SLC24A2: variants seen among roughly 807,000 people sequenced by gnomAD.
The protein encoded by SLC24A2 is solute carrier family 24 member 2.
SLC24A2 carries 36 observed loss-of-function variants against 62.0 expected under a neutral mutation model. That is an observed-to-expected ratio of 0.58 (90% CI 0.44 to 0.77). The LOEUF (loss-of-function observed/expected upper bound fraction) is 0.77. Among genes scored for constraint, SLC24A2 ranks in the 30% least tolerant of loss-of-function variants. SLC24A2 has a pLI of 0.00. For synonymous variants in SLC24A2, 358 were observed against 294.0 expected (o/e 1.22, Z -2.23); for missense variants, 846 against 817.9 (o/e 1.03, Z -0.42).
At chr9:20,111,113 T>C in the SLC24A2 span, among the ~76,000 whole-genome samples, 1 of 152,232 alleles carries the variant, frequency 6.6e-6, no homozygotes, top group Non-Finnish European at 1.5e-5. Context: ...ATCTTGCTAG[T>C]AGCCCTGGGA....
the SLC24A2 span, among the ~76,000 whole-genome samples, chr9:20,151,413 C>T: frequency 2.0e-5 from 3 of 151,880 alleles, no homozygotes; most frequent in African/African-American, 7.2e-5. Flanking sequence ...GTTCCTTTCA[C>T]AGTCTGTTCA....
At chr9:19,989,718 A>G in the SLC24A2 span, among the ~76,000 whole-genome samples, 6 of 152,232 alleles carry the variant, frequency 3.9e-5, no homozygotes, top group Admixed American at 1.3e-4. Flanking sequence ...AGACAACTAC[A>G]TGGGTCAAGT....
the SLC24A2 span, among the ~76,000 whole-genome samples, chr9:20,006,182 G>A: frequency 2.0e-5 from 3 of 151,262 alleles, no homozygotes; most frequent in Non-Finnish European, 4.4e-5. Flanking sequence ...ATATTAATAT[G>A]TAATTAAATT....
At chr9:20,157,928 C>T in the SLC24A2 span, among the ~76,000 whole-genome samples, 1 of 151,432 alleles carries the variant, frequency 6.6e-6, no homozygotes, top group African/African-American at 2.4e-5. Context: ...AAAAAAGCAA[C>T]CCAGTGCTAT....
the SLC24A2 span, among the ~76,000 whole-genome samples, chr9:20,000,279 T>C: frequency 0.79 from 119,753 of 152,052 alleles, 47,410 homozygotes; most frequent in Non-Finnish European, 0.83. Context: ...CTCATAACAG[T>C]TCCCTATTTT....
the SLC24A2 span, among the ~76,000 whole-genome samples, chr9:20,288,418 T>C: frequency 0.032 from 4,715 of 148,084 alleles, 218 homozygotes; most frequent in African/African-American, 0.11. Flanking sequence ...ATGCCGGGGG[T>C]GCGGGAGGTG....
intron 2 of SLC24A2, among the ~76,000 whole-genome samples, chr9:19,772,712 A>G (rs1286121694): frequency 6.6e-6 from 1 of 152,210 alleles, no homozygotes; most frequent in Non-Finnish European, 1.5e-5. Flanking sequence ...ATGTCGGCAA[A>G]GATGTGGAGA....
the SLC24A2 span, among the ~76,000 whole-genome samples, chr9:19,868,959 C>T: frequency 3.3e-5 from 5 of 151,998 alleles, no homozygotes; most frequent in African/African-American, 1.2e-4. Flanking sequence ...AGTTCATGCA[C>T]AATTAATGTA....
the SLC24A2 span, among the ~76,000 whole-genome samples, chr9:20,304,001 C>T: frequency 1.3e-5 from 2 of 152,194 alleles, no homozygotes; most frequent in Non-Finnish European, 2.9e-5. Flanking sequence ...GTATCCAAGT[C>T]CACTGAGAAT....
chr9:19,945,511 C>T, the SLC24A2 span, among the ~76,000 whole-genome samples: 1 of 152,180 alleles, frequency 6.6e-6, no homozygotes, highest in Non-Finnish European at 1.5e-5. Context: ...ACAGTTGAAA[C>T]CAGAAGTGAA....
chr9:19,931,819 C>T, the SLC24A2 span, among the ~76,000 whole-genome samples: 4 of 151,940 alleles, frequency 2.6e-5, no homozygotes, highest in Non-Finnish European at 5.9e-5. Context: ...ACCTTATATA[C>T]AATTTATAAA....
intron 2 of SLC24A2, among the ~76,000 whole-genome samples, chr9:19,680,851 T>TTGTGTGAGTGTGTGTGTGTGTG (rs1554697846): frequency 6.8e-6 from 1 of 146,970 alleles, no homozygotes; most frequent in Non-Finnish European, 1.5e-5. Flanking sequence ...TATACCAGAG[T>TTGTGTGAGTGTGTGTGTGTGTG]TGTGTGTGTG....
chr9:20,279,567 T>G, the SLC24A2 span, among the ~76,000 whole-genome samples: 1 of 152,168 alleles, frequency 6.6e-6, no homozygotes, highest in African/African-American at 2.4e-5. Flanking sequence ...AAGGCTATTT[T>G]TTAAAAAGCT....
the SLC24A2 span, among the ~76,000 whole-genome samples, chr9:20,111,335 A>T: frequency 1.4e-4 from 21 of 152,292 alleles, no homozygotes; most frequent in African/African-American, 5.1e-4. Flanking sequence ...CAGTCCAGCT[A>T]TCCCTCTCCA....
At chr9:19,597,397 A>C (rs892326385) in intron 4 of SLC24A2, 118 bp from the exon 5 acceptor site, 1 of 760,064 alleles carries the variant, frequency 1.3e-6, no homozygotes, top group African/African-American at 1.7e-5. Context: ...TTGCAATCGT[A>C]ACTATATGGA....
the SLC24A2 span, among the ~76,000 whole-genome samples, chr9:20,198,651 ATCTCTCTC>A: frequency 6.8e-6 from 1 of 148,028 alleles, no homozygotes; most frequent in African/African-American, 2.5e-5. Context: ...GTCCCCTCGC[ATCTCTCTC>A]TCTCTCTCTC....
chr9:20,121,217 G>T, the SLC24A2 span, among the ~76,000 whole-genome samples: 3 of 150,708 alleles, frequency 2.0e-5, no homozygotes, highest in African/African-American at 7.3e-5. Context: ...GAAATAAATG[G>T]CATGTTAGCA....
chr9:19,512,786 T>C lies in SLC24A2; in HGVS notation c.*3367A>G, dbSNP rs1431901081. ...GCTCTTGAATTGTTGATATCTTTTATACCCTGCTCCAGAGAAGCAAAGAGA... is the reference window on the plus strand; with the variant it reads ...GCTCTTGAATTGTTGATATCTTTTACACCCTGCTCCAGAGAAGCAAAGAGA... On this transcript the variant is annotated 3_prime_UTR_variant, in exon 11 of 11. Transcript: ENST00000341998. 1 of 152,154 alleles carries C rather than the reference T, an allele frequency of 6.6e-6. No individual in the cohort carries two copies. Among genetic ancestry groups the C allele is most frequent in the Admixed American group, 6.5e-5 (1 of 15,270 alleles). 9.4% of individuals were successfully genotyped at this position (152,154 alleles called of 1,614,324 possible).
At chr9:19,836,230 G>A in the SLC24A2 span, among the ~76,000 whole-genome samples, 2 of 152,118 alleles carry the variant, frequency 1.3e-5, no homozygotes, top group Non-Finnish European at 2.9e-5. Flanking sequence ...TAAGATCAGA[G>A]CAGAACTGAA....
Sources: gnomAD v4.1 joint callset for allele counts (sites outside exome capture counted in the v4.1 genomes callset) on GRCh38, gnomAD v4.1.1 for gene constraint, MANE v1.5 for transcripts, NCBI Gene and HGNC (gene_info 2026-07-23, HGNC 2026-07-21) for gene names.